The following CAPS2 variants were observed in gnomAD, a reference collection of about 807,000 sequenced individuals.
CAPS2 encodes calcyphosin-2.
A neutral mutation model predicts 86.5 loss-of-function variants in CAPS2; 98 were observed. The observed-to-expected ratio is 1.13, with a 90% confidence interval of 0.96 to 1.34. The LOEUF (loss-of-function observed/expected upper bound fraction) is 1.34, where lower values mean the gene tolerates loss of function less well. CAPS2 is among the 40% of genes most tolerant of loss of function. The pLI, the probability that CAPS2 is intolerant of heterozygous loss-of-function variation, is 0.00. For missense variants in CAPS2, 729 were observed against 686.8 expected (o/e 1.06, Z -0.69); for synonymous variants, 210 against 225.1 (o/e 0.93, Z 0.60).
chr12:75,333,375 T>C (rs2041476243), upstream of CAPS2, among the ~76,000 whole-genome samples: 1 of 152,046 alleles, frequency 6.6e-6, no homozygotes, highest in South Asian at 2.1e-4. Flanking sequence ...GGAAGAGACA[T>C]ATATATATAG....
At chr12:75,367,378 C>T (rs576936074) in intron 1 of CAPS2, among the ~76,000 whole-genome samples, 4 of 151,496 alleles carry the variant, frequency 2.6e-5, no homozygotes, top group South Asian at 2.1e-4. Flanking sequence ...TCTTTATGTC[C>T]GTCTATAAGC....
chr12:75,332,334 T>C (rs1404241530), upstream of CAPS2, among the ~76,000 whole-genome samples: 1 of 152,234 alleles, frequency 6.6e-6, no homozygotes, highest in African/African-American at 2.4e-5. Flanking sequence ...AAGCTCAACT[T>C]TAAATTTTCA....
chr12:75,307,530 T>C (rs1177854080), intron 7 of CAPS2, among the ~76,000 whole-genome samples: 2 of 152,182 alleles, frequency 1.3e-5, no homozygotes, highest in Non-Finnish European at 2.9e-5. Context: ...ATATAGTACA[T>C]TTTAAAGTAG....
At chr12:75,298,028 G>C (rs149142675) in intron 11 of CAPS2, among the ~76,000 whole-genome samples, 21 of 152,222 alleles carry the variant, frequency 1.4e-4, no homozygotes, top group Admixed American at 3.9e-4. Flanking sequence ...AAAAAGCAGG[G>C]AATGAGTCTA....
intron 1 of CAPS2, among the ~76,000 whole-genome samples, chr12:75,386,316 T>G (rs2045289250): frequency 1.3e-5 from 2 of 152,220 alleles, no homozygotes; most frequent in East Asian, 3.8e-4. Flanking sequence ...ATCTGATATT[T>G]GGTAATTTAT....
intron 12 of CAPS2, among the ~76,000 whole-genome samples, chr12:75,292,774 A>G (rs1029934463): frequency 6.7e-6 from 1 of 149,428 alleles, no homozygotes; most frequent in Non-Finnish European, 1.5e-5. Context: ...GTTATTAAAA[A>G]AATTCATTTT....
At chr12:75,377,027 G>T (rs2044686478) in intron 1 of CAPS2, among the ~76,000 whole-genome samples, 2 of 152,256 alleles carry the variant, frequency 1.3e-5, no homozygotes, top group Admixed American at 6.5e-5. Flanking sequence ...ATAGTTGAAG[G>T]TATTACGTAT....
In CAPS2 at chr12:75,289,766, T is replaced by G. The variant is rs113629658; in HGVS notation, c.1250A>C (p.Lys417Thr). ...AACACCTCTTTTATGTAGTTTTTCT[T>G]TTAGCACATCTGTTCAACAAGAAGA... The change falls in exon 14 of 17, where the codon AAA becomes ACA. Residue 417 changes from lysine to threonine, a missense_variant. Transcript: ENST00000393284. The G allele has an allele frequency of 1.6e-4, 250 of 1,611,062 alleles. 2 individuals carry two copies. In the African/African-American group the frequency reaches 3.1e-3, roughly 20 times the overall value.
chr12:75,286,554 A>T (rs1295285584), intron 14 of CAPS2, among the ~76,000 whole-genome samples: 1 of 151,820 alleles, frequency 6.6e-6, no homozygotes, highest in Non-Finnish European at 1.5e-5. Flanking sequence ...TCTTTCAAAG[A>T]TACAGTACAC....
intron 1 of CAPS2, among the ~76,000 whole-genome samples, chr12:75,344,939 T>C (rs909058207): frequency 6.6e-6 from 1 of 152,156 alleles, no homozygotes; most frequent in African/African-American, 2.4e-5. Flanking sequence ...GTTTGGAAAG[T>C]GAGAATAGGT....
intron 7 of CAPS2, among the ~76,000 whole-genome samples, chr12:75,311,710 AAC>A (rs1565873925): frequency 4.6e-5 from 2 of 43,098 alleles, no homozygotes; most frequent in Admixed American, 3.2e-4. Context: ...GAAAAAAAAA[AAC>A]AAAAAAAAAA....
intron 1 of CAPS2, chr12:75,390,319 T>C (rs1269486744): frequency 4.4e-6 from 2 of 456,314 alleles, no homozygotes; most frequent in Non-Finnish European, 8.8e-6. Context: ...AGTTCGTTCT[T>C]ACTGTGAATG....
chr12:75,320,026 T>C (rs2040150678), intron 5 of CAPS2, among the ~76,000 whole-genome samples: 1 of 152,128 alleles, frequency 6.6e-6, no homozygotes, highest in Non-Finnish European at 1.5e-5. Flanking sequence ...AGTTCTTCTA[T>C]AAGACCACTA....
Position 75,298,873 on chromosome 12 carries a change from AT to A in CAPS2, c.947del (p.Asn316IlefsTer37), listed in dbSNP as rs1231526457. 1 of 1,607,734 alleles carries A rather than the reference AT, an allele frequency of 6.2e-7. No individual in the cohort carries two copies. Among genetic ancestry groups the A allele is most frequent in the Non-Finnish European group, 8.5e-7 (1 of 1,175,942 alleles). ...TCTAACAATGTTTAATGGCATACCTATTTTTCCCAAATTGTCGATATTCATA... is the reference window on the plus strand; with the variant it reads ...TCTAACAATGTTTAATGGCATACCTATTTTCCCAAATTGTCGATATTCATA... On this transcript the variant is annotated frameshift_variant, in exon 10 of 17. Transcript: ENST00000393284. LOFTEE classifies it high-confidence loss of function.
intron 1 of CAPS2, among the ~76,000 whole-genome samples, chr12:75,335,411 T>C (rs1443817030): frequency 7.2e-5 from 11 of 152,286 alleles, no homozygotes; most frequent in Admixed American, 2.6e-4. Context: ...AAGCATTGGA[T>C]TATTAAATAA....
exon 16 of CAPS2, chr12:75,282,317 C>T (rs1410284377): frequency 1.2e-6 from 2 of 1,606,664 alleles, no homozygotes; most frequent in Non-Finnish European, 1.7e-6. Flanking sequence ...GGCACACTGC[C>T]ACTTTTGTTG....
intron 7 of CAPS2, among the ~76,000 whole-genome samples, chr12:75,311,836 T>C (rs1326732206): frequency 6.6e-6 from 1 of 150,840 alleles, no homozygotes; most frequent in Non-Finnish European, 1.5e-5. Flanking sequence ...GCAATATGGA[T>C]GTCACTACTC....
chr12:75,378,050 T>C (rs2044754570), intron 1 of CAPS2, among the ~76,000 whole-genome samples: 1 of 152,022 alleles, frequency 6.6e-6, no homozygotes. Flanking sequence ...CAGGCTGGAG[T>C]GCAGTGGTGC....
intron 1 of CAPS2, among the ~76,000 whole-genome samples, chr12:75,367,288 A>G (rs1012221495): frequency 9.2e-5 from 14 of 151,524 alleles, no homozygotes; most frequent in Admixed American, 8.5e-4. Flanking sequence ...AAAAAAAAAA[A>G]AAGAACTTTT....
Sources: allele counts gnomAD v4.1 joint callset (sites outside exome capture counted in the v4.1 genomes callset), GRCh38; gene constraint gnomAD v4.1.1; transcripts MANE v1.5; gene names NCBI Gene and HGNC (gene_info 2026-07-23, HGNC 2026-07-21).